RAB11FIP3: variants seen among roughly 807,000 people sequenced by gnomAD.
RAB11FIP3 encodes rab11 family-interacting protein 3.
In RAB11FIP3, 17 loss-of-function variants were observed where a neutral mutation model predicts 77.8. The observed-to-expected ratio is 0.22, with a 90% CI of 0.15 to 0.33. The LOEUF (loss-of-function observed/expected upper bound fraction) is 0.33. RAB11FIP3 is among the 10% of genes least tolerant of loss of function. RAB11FIP3 has a pLI of 1.00. For synonymous variants in RAB11FIP3, 437 were observed against 448.2 expected (o/e 0.98, Z 0.31); for missense variants, 1,005 against 1,011.2 (o/e 0.99, Z 0.08).
At chr16:493,684 G>A (rs2030815486) in intron 5 of RAB11FIP3, among the ~76,000 whole-genome samples, 1 of 152,014 alleles carries the variant, frequency 6.6e-6, no homozygotes, top group African/African-American at 2.4e-5. Flanking sequence ...TCGGCTCACT[G>A]CAACCTCTGC....
intron 9 of RAB11FIP3, among the ~76,000 whole-genome samples, chr16:512,098 T>C (rs1288224224): frequency 6.6e-6 from 1 of 152,206 alleles, no homozygotes; most frequent in East Asian, 1.9e-4. Context: ...CAAAGCTATG[T>C]GGAGAAGACT....
chr16:443,861 G>GC (rs1183712221), intron 1 of RAB11FIP3, among the ~76,000 whole-genome samples: 1 of 152,218 alleles, frequency 6.6e-6, no homozygotes, highest in East Asian at 1.9e-4. Context: ...ATCGCGCCCG[G>GC]CCTGGATATG....
At position 480,286 on chromosome 16, in the gene RAB11FIP3, C is replaced by CAAAAAAAAGAAAAAAAAAAAAAAAAA. The variant is rs752259728; in HGVS notation, c.904-2231_904-2230insGAAAAAAAAAAAAAAAAAAAAAAAAA. Among the ~76,000 whole-genome samples, 40 of 80,022 alleles carry CAAAAAAAAGAAAAAAAAAAAAAAAAA rather than the reference C, an allele frequency of 5.0e-4. 4 individuals are homozygous for CAAAAAAAAGAAAAAAAAAAAAAAAAA. The highest frequency in any genetic ancestry group is 1.7e-3 in the African/African-American group (36 of 20,758). 52.5% of individuals were successfully genotyped at this position (80,022 alleles called of 152,430 possible). A position where few individuals can be genotyped will look rare whatever the true frequency, so the allele number is the denominator to read the frequency against. ...GGCAGGAAGAGTAAAACTCCTTCTCCAAAAAAAAAAAAAAAAAAAAGTTGA... is the reference window on the plus strand; with the variant it reads ...GGCAGGAAGAGTAAAACTCCTTCTCCAAAAAAAAGAAAAAAAAAAAAAAAAAAAAAAAAAAAAAAAAAAAAAGTTGA... On this transcript the variant is annotated intron_variant, in intron 3 of 13. Transcript: ENST00000262305.
intron 9 of RAB11FIP3, among the ~76,000 whole-genome samples, chr16:516,275 G>T (rs962205874): frequency 6.6e-6 from 1 of 152,226 alleles, no homozygotes; most frequent in African/African-American, 2.4e-5. Context: ...AGGGACGGCA[G>T]GGTAACGGGA....
chr16:521,181 G>A lies in RAB11FIP3; in HGVS notation c.*342G>A. On this transcript the variant is annotated 3_prime_UTR_variant, in exon 14 of 14. Coordinates refer to ENST00000262305, the MANE Select transcript of RAB11FIP3 (RefSeq NM_014700.4). The stretch of plus-strand genomic sequence containing the variant: ...CGCGTACACTTCAGTTCAGCAGGAT[G>A]GGCTGGAGAGCCTCTCTGTGCAGCG... 1 of 355,610 alleles carries A rather than the reference G, an allele frequency of 2.8e-6. No individual in the cohort carries two copies. The highest frequency in any genetic ancestry group is 5.3e-6 in the Non-Finnish European group (1 of 188,038). The allele number at this position is 355,610 out of a possible 1,614,324, so 22.0% of individuals were successfully genotyped here.
At chr16:432,879 C>T (rs911189552) in intron 1 of RAB11FIP3, among the ~76,000 whole-genome samples, 1 of 151,758 alleles carries the variant, frequency 6.6e-6, no homozygotes, top group Admixed American at 6.6e-5. Context: ...GCTGGGATTA[C>T]AGGCATGAGC....
intron 5 of RAB11FIP3, among the ~76,000 whole-genome samples, chr16:490,059 G>A (rs2030037698): frequency 6.6e-6 from 1 of 152,224 alleles, no homozygotes; most frequent in African/African-American, 2.4e-5. Context: ...TCTGTGCTTG[G>A]TAATCACCTC....
At chr16:499,376 T>C (rs1293660172) in intron 6 of RAB11FIP3, among the ~76,000 whole-genome samples, 1 of 152,208 alleles carries the variant, frequency 6.6e-6, no homozygotes, top group Non-Finnish European at 1.5e-5. Context: ...CAAGGCCAGC[T>C]AAGGCATCTG....
At chr16:482,923 G>T (rs963141327) in intron 4 of RAB11FIP3, among the ~76,000 whole-genome samples, 187 bp downstream of exon 4, 15 of 152,194 alleles carry the variant, frequency 9.9e-5, no homozygotes, top group African/African-American at 3.6e-4. Flanking sequence ...TGCCCGCCTT[G>T]CCCGAGCAGT....
At chr16:446,601 G>C (rs2055320687) in intron 1 of RAB11FIP3, among the ~76,000 whole-genome samples, 1 of 152,336 alleles carries the variant, frequency 6.6e-6, no homozygotes, top group Middle Eastern at 3.4e-3. Flanking sequence ...CTGGTGTCCA[G>C]ATGTGTCCTA....
intron 3 of RAB11FIP3, among the ~76,000 whole-genome samples, chr16:476,145 G>C (rs576746450): frequency 6.6e-6 from 1 of 152,224 alleles, no homozygotes; most frequent in Non-Finnish European, 1.5e-5. Flanking sequence ...GAGCCACTGC[G>C]TCTGGCCCTC....
intron 1 of RAB11FIP3, among the ~76,000 whole-genome samples, chr16:445,875 C>T (rs191468830): frequency 3.9e-4 from 59 of 152,228 alleles, no homozygotes; most frequent in African/African-American, 1.3e-3. Flanking sequence ...GGCAAAAGGA[C>T]GTTATGGCCT....
Position 461,346 on chromosome 16 carries a change from G to A in RAB11FIP3, c.715-58G>A. The A allele has an allele frequency of 2.1e-6, 3 of 1,433,664 alleles. No homozygotes were observed. Among genetic ancestry groups the A allele is most frequent in the Non-Finnish European group, 2.9e-6 (3 of 1,031,984 alleles). The allele number at this position is 1,433,664 out of a possible 1,614,324, so 88.8% of individuals were successfully genotyped here. ...AGATCTCTCCCAGTCCGAGGTCCAG[G>A]GTTGGGGACCCCTGCTGTAAAGGCT... On this transcript the variant is annotated intron_variant, in intron 1 of 13. Coordinates refer to ENST00000262305, the MANE Select transcript of RAB11FIP3 (RefSeq NM_014700.4). This position sits in a 1 kb window ranked among gnomAD's most constrained non-coding sequence, Gnocchi z 4.5.
chr16:472,273 G>A lies in RAB11FIP3; in HGVS notation c.903+884G>A, dbSNP rs2055822805. Among the ~76,000 whole-genome samples the A allele has an allele frequency of 6.6e-6, 1 of 152,226 alleles. No individual in the cohort carries two copies. Among genetic ancestry groups the A allele is most frequent in the African/African-American group, 2.4e-5 (1 of 41,466 alleles). ...GATTAGTCACCCTCACCCTTGGGTG[G>A]GCAGCTTAACTTCTGCCCACACAGA... On this transcript the variant is annotated intron_variant, in intron 3 of 13. Transcript: ENST00000262305. The surrounding 1 kb of genome is among the most constrained non-coding windows in gnomAD (Gnocchi z 4.1).
intron 1 of RAB11FIP3, among the ~76,000 whole-genome samples, chr16:437,224 G>T (rs7206631): frequency 1.3e-5 from 2 of 151,498 alleles, no homozygotes; most frequent in Admixed American, 6.6e-5. Context: ...GTTGCAGTGA[G>T]GCAAGATCGC....
chr16:447,632 G>T (rs1412023945), intron 1 of RAB11FIP3, among the ~76,000 whole-genome samples: 2 of 152,168 alleles, frequency 1.3e-5, no homozygotes, highest in Non-Finnish European at 2.9e-5. Context: ...CAGCTACTCA[G>T]TGGGCTAAGG....
chr16:502,296 G>A (rs910090883), intron 6 of RAB11FIP3, among the ~76,000 whole-genome samples: 10 of 152,222 alleles, frequency 6.6e-5, no homozygotes, highest in South Asian at 2.1e-4. Flanking sequence ...CCCCAAGGCC[G>A]CAGCCTATGG....
chr16:456,611 G>C (rs1255382624), intron 1 of RAB11FIP3, among the ~76,000 whole-genome samples: 4 of 151,816 alleles, frequency 2.6e-5, no homozygotes, highest in African/African-American at 9.7e-5. Context: ...CTAAAAAATT[G>C]ATTGGGCATG....
In RAB11FIP3 at chr16:426,493, C is replaced by G. The variant is rs765819289; in HGVS notation, c.487C>G (p.Pro163Ala). 9 of 1,580,164 alleles carry G rather than the reference C, an allele frequency of 5.7e-6. No individual in the cohort carries two copies. In the East Asian group the frequency reaches 1.8e-4, roughly 32 times the overall value. Residue 163 changes from proline to alanine, a missense_variant, in exon 1 of 14, where the codon CCC (proline) becomes GCC (alanine). This residue lies in a region of RAB11FIP3 where 466 missense variants were observed against 408.3 expected (regional missense o/e 1.14). Transcript: ENST00000262305. This position sits in a 1 kb window ranked among gnomAD's most constrained non-coding sequence, Gnocchi z 5.0. ...GCGGGGCGAGGTCGACGTCTTCTCT[C>G]CCTTCCCCGCGCCCACGGCGGGCGA... ...RARGEVDVFSPFPAPTAGELA... is the reference protein window; with the variant it reads ...RARGEVDVFSAFPAPTAGELA...
Sources: allele counts gnomAD v4.1 joint callset (sites outside exome capture counted in the v4.1 genomes callset), GRCh38; gene constraint gnomAD v4.1.1; regional missense constraint gnomAD v4.1.1; non-coding constraint Gnocchi (gnomAD v3.1); transcripts MANE v1.5; gene names NCBI Gene and HGNC (gene_info 2026-07-23, HGNC 2026-07-21).